Variants in TRAPPC9 observed in about 807,000 individuals in gnomAD.
TRAPPC9 encodes IKK2 binding protein.
Under a neutral mutation model 124.0 loss-of-function variants are expected in TRAPPC9, and 83 were observed. That is an observed-to-expected ratio of 0.67 (90% CI 0.56 to 0.80). The LOEUF (loss-of-function observed/expected upper bound fraction) is 0.80. Among genes scored for constraint, TRAPPC9 ranks in the 30% least tolerant of loss-of-function variants. The probability of loss-of-function intolerance (pLI) is 0.00; values close to 1 mark genes in which losing one functional copy is unlikely to be tolerated. For missense variants in TRAPPC9, 1,302 were observed against 1,508.3 expected, an observed-to-expected ratio of 0.86 and a Z score of 2.27; for synonymous variants, 638 against 617.5, an observed-to-expected ratio of 1.03 and a Z score of -0.49.
chr8:140,272,407 AATGGTG>A (rs139587008), intron 15 of TRAPPC9, among the ~76,000 whole-genome samples: 19,040 of 133,320 alleles, frequency 0.14, 1,542 homozygotes, highest in Middle Eastern at 0.27. Context: ...CGATGGTGAT[AATGGTG>A]ATGGTGATGG....
intron 15 of TRAPPC9, among the ~76,000 whole-genome samples, chr8:140,274,443 G>C (rs2065052959): frequency 1.3e-5 from 2 of 152,198 alleles, no homozygotes; most frequent in African/African-American, 4.8e-5. Context: ...CCAGGGCAAG[G>C]CTCCTTCCAG....
At chr8:139,990,932 G>C (rs960808650) in intron 18 of TRAPPC9, among the ~76,000 whole-genome samples, 1 of 152,080 alleles carries the variant, frequency 6.6e-6, no homozygotes, top group Admixed American at 6.6e-5. Context: ...ACAGGGTGCC[G>C]CACACCTTGA....
At chr8:139,805,575 G>T (rs1823991322) in intron 21 of TRAPPC9, among the ~76,000 whole-genome samples, 1 of 152,206 alleles carries the variant, frequency 6.6e-6, no homozygotes, top group South Asian at 2.1e-4. Flanking sequence ...GGGAGTCGGG[G>T]CTGGCCAGGC....
chr8:140,219,413 T>C (rs745359353), intron 17 of TRAPPC9, among the ~76,000 whole-genome samples: 4 of 152,180 alleles, frequency 2.6e-5, no homozygotes, highest in Non-Finnish European at 4.4e-5. Context: ...CGGTCCCGCA[T>C]ACCAGTGTAA....
At chr8:140,140,240 C>T (rs1339773698) in intron 17 of TRAPPC9, among the ~76,000 whole-genome samples, 1 of 152,216 alleles carries the variant, frequency 6.6e-6, no homozygotes, top group African/African-American at 2.4e-5. Flanking sequence ...TCAGACATCC[C>T]AGCTCCCAGT....
At chr8:140,180,075 G>A (rs915647894) in intron 17 of TRAPPC9, among the ~76,000 whole-genome samples, 1 of 127,080 alleles carries the variant, frequency 7.9e-6, no homozygotes, top group African/African-American at 2.8e-5. Flanking sequence ...ACTTAATGTG[G>A]TTATAGATGC....
intron 17 of TRAPPC9, among the ~76,000 whole-genome samples, chr8:140,128,190 A>AT (rs1473782243): frequency 6.6e-6 from 1 of 152,278 alleles, no homozygotes; most frequent in African/African-American, 2.4e-5. Flanking sequence ...TTGCAGCCTA[A>AT]TTCAGATCAC....
intron 8 of TRAPPC9, among the ~76,000 whole-genome samples, chr8:140,370,382 G>A (rs563642261): frequency 1.1e-4 from 16 of 152,106 alleles, no homozygotes; most frequent in African/African-American, 2.9e-4. Flanking sequence ...CAAGTGATCC[G>A]CCCACCCTGG....
intron 17 of TRAPPC9, among the ~76,000 whole-genome samples, chr8:140,091,990 C>A (rs1005191383): frequency 6.6e-6 from 1 of 151,416 alleles, no homozygotes; most frequent in African/African-American, 2.4e-5. Flanking sequence ...TGACCACCCC[C>A]AGCCCAGACC....
intron 21 of TRAPPC9, among the ~76,000 whole-genome samples, chr8:139,842,870 C>A (rs1242142559): frequency 6.6e-6 from 1 of 152,228 alleles, no homozygotes; most frequent in Admixed American, 6.5e-5. Flanking sequence ...AACCGGGTTT[C>A]ATTTCATGTC....
At chr8:140,102,581 G>A (rs1380630163) in intron 17 of TRAPPC9, among the ~76,000 whole-genome samples, 2 of 152,104 alleles carry the variant, frequency 1.3e-5, no homozygotes, top group South Asian at 2.1e-4. Flanking sequence ...TTCCTCATTG[G>A]CTGGTCAACA....
intron 17 of TRAPPC9, among the ~76,000 whole-genome samples, chr8:140,165,380 T>C (rs1035271921): frequency 2.2e-5 from 3 of 138,060 alleles, no homozygotes; most frequent in Non-Finnish European, 1.5e-5. Flanking sequence ...ATAATAAAAA[T>C]ACAAAAAAAT....
rs558513006 is a variant in TRAPPC9, at chr8:140,038,140, A to C, written c.2557-14061T>G. Among the ~76,000 whole-genome samples, 32 of 151,466 alleles carry C rather than the reference A, an allele frequency of 2.1e-4. No homozygotes were observed. In the South Asian group the frequency reaches 6.5e-3, roughly 31 times the overall value. ...TCTCCTCCATGTCTCCATCCCACCA[A>C]AGTGTATTTTCATCATGTGAGGAAC... On this transcript the variant is annotated intron_variant, in intron 17 of 22. Coordinates refer to ENST00000438773, the MANE Select transcript of TRAPPC9 (RefSeq NM_001160372.4).
intron 19 of TRAPPC9, among the ~76,000 whole-genome samples, chr8:139,958,668 T>C (rs1835154917): frequency 6.6e-6 from 1 of 151,948 alleles, no homozygotes; most frequent in Admixed American, 6.6e-5. Flanking sequence ...GGCCGACCAC[T>C]CTGTAGCCCC....
At chr8:139,770,241 C>T (rs940337928) in intron 21 of TRAPPC9, among the ~76,000 whole-genome samples, 9 of 152,366 alleles carry the variant, frequency 5.9e-5, no homozygotes, top group East Asian at 3.9e-4. Context: ...CCAGACGCCC[C>T]GGAGAGAGGT....
intron 20 of TRAPPC9, among the ~76,000 whole-genome samples, chr8:139,890,784 C>T (rs1830289704): frequency 2.0e-5 from 3 of 151,416 alleles, no homozygotes; most frequent in Admixed American, 6.6e-5. Flanking sequence ...CAGCATGGCA[C>T]ATGTATACGT....
At chr8:140,170,802 A>C (rs1049215888) in intron 17 of TRAPPC9, among the ~76,000 whole-genome samples, 1 of 152,076 alleles carries the variant, frequency 6.6e-6, no homozygotes, top group Non-Finnish European at 1.5e-5. Context: ...CTCCAGCGCT[A>C]CTCCTGTGCT....
chr8:140,307,010 C>T (rs1422488471), intron 10 of TRAPPC9, among the ~76,000 whole-genome samples: 1 of 152,102 alleles, frequency 6.6e-6, no homozygotes, highest in Non-Finnish European at 1.5e-5. Context: ...GTAGGTTTTG[C>T]TTTAGGGGAA....
chr8:140,146,879 A>AG (rs34137185), intron 17 of TRAPPC9, among the ~76,000 whole-genome samples: 3 of 151,474 alleles, frequency 2.0e-5, no homozygotes, highest in African/African-American at 7.3e-5. Context: ...AAAAAAAAAA[A>AG]GGCAGGGAAA....
Sources: gnomAD v4.1 joint callset for allele counts (sites outside exome capture counted in the v4.1 genomes callset) on GRCh38, gnomAD v4.1.1 for gene constraint, MANE v1.5 for transcripts, NCBI Gene and HGNC (gene_info 2026-07-23, HGNC 2026-07-21) for gene names.